TXLNB: variants seen among roughly 807,000 people sequenced by gnomAD.
TXLNB encodes the protein beta-taxilin.
Under a neutral mutation model 57.4 loss-of-function variants are expected in TXLNB, and 37 were observed. The observed-to-expected ratio is 0.64, with a 90% CI of 0.50 to 0.85. TXLNB has a LOEUF of 0.85. Among genes scored for constraint, TXLNB ranks in the 40% least tolerant of loss-of-function variants. The pLI, the probability that TXLNB is intolerant of heterozygous loss-of-function variation, is 0.00. For synonymous variants in TXLNB, 302 were observed against 309.6 expected, an observed-to-expected ratio of 0.98 and a Z score of 0.26; for missense variants, 848 against 825.6, an observed-to-expected ratio of 1.03 and a Z score of -0.33.
the TXLNB span, among the ~76,000 whole-genome samples, chr6:139,220,795 C>T: frequency 6.6e-6 from 1 of 152,172 alleles, no homozygotes; most frequent in South Asian, 2.1e-4. Flanking sequence ...GCTAAAATAA[C>T]AAACCTGGTC....
At chr6:139,222,033 A>C in the TXLNB span, among the ~76,000 whole-genome samples, 1 of 152,172 alleles carries the variant, frequency 6.6e-6, no homozygotes, top group African/African-American at 2.4e-5. Context: ...AGTCCAAAAA[A>C]ATTTAAAAAG....
chr6:139,183,657 A>C, the TXLNB span: 1 of 152,334 alleles, frequency 6.6e-6, no homozygotes. Context: ...ATGTTGACTA[A>C]AGAAAAAAAT....
At chr6:139,163,353 T>C in the TXLNB span, among the ~76,000 whole-genome samples, 13 of 13,814 alleles carry the variant, frequency 9.4e-4, no homozygotes, top group East Asian at 4.3e-3. Flanking sequence ...TTCTCCATTC[T>C]TTTTTTTTTT....
At chr6:139,252,625 T>C (rs907356279) in intron 7 of TXLNB, among the ~76,000 whole-genome samples, 1 of 152,214 alleles carries the variant, frequency 6.6e-6, no homozygotes, top group Non-Finnish European at 1.5e-5. Flanking sequence ...AAGTTCTCTA[T>C]GCTCATGAAC....
At chr6:139,172,558 CAT>C in the TXLNB span, among the ~76,000 whole-genome samples, 1 of 152,196 alleles carries the variant, frequency 6.6e-6, no homozygotes, top group African/African-American at 2.4e-5. Flanking sequence ...CTTTGAACCA[CAT>C]GTGATTGTTC....
chr6:139,196,810 G>A, the TXLNB span, among the ~76,000 whole-genome samples: 2 of 151,988 alleles, frequency 1.3e-5, no homozygotes, highest in African/African-American at 4.8e-5. Context: ...CACTCATTGA[G>A]TTCTATACTA....
chr6:139,181,513 G>A, the TXLNB span, among the ~76,000 whole-genome samples: 28 of 152,254 alleles, frequency 1.8e-4, no homozygotes, highest in African/African-American at 6.0e-4. Flanking sequence ...CCGGTATTGC[G>A]GTGCTTGTAT....
At chr6:139,221,246 T>C in the TXLNB span, among the ~76,000 whole-genome samples, 7 of 152,318 alleles carry the variant, frequency 4.6e-5, no homozygotes, top group Middle Eastern at 6.8e-3. Context: ...TAGAGCTAGT[T>C]AATGGTTTAG....
chr6:139,173,755 T>C, the TXLNB span, among the ~76,000 whole-genome samples: 2 of 152,198 alleles, frequency 1.3e-5, no homozygotes, highest in Non-Finnish European at 2.9e-5. Flanking sequence ...TGGAGGGGGA[T>C]CATGTTGTAA....
chr6:139,234,205 T>A, the TXLNB span: 1 of 152,130 alleles, frequency 6.6e-6, no homozygotes, highest in Non-Finnish European at 1.5e-5. Context: ...TGCAGCCAGA[T>A]GTTGTGAAAG....
In TXLNB at chr6:139,279,849, G is replaced by A. The variant is rs17068483; in HGVS notation, c.425-2928C>T. On this transcript the variant is annotated intron_variant, in intron 2 of 9. Coordinates refer to ENST00000358430, the MANE Select transcript of TXLNB (RefSeq NM_153235.4). Reference sequence around the variant, plus strand: ...TGTGGGCATGTAGCCACCACACTGCGAAATGCTCAGCGTGGTAGGAAGTCT... The same window carrying A: ...TGTGGGCATGTAGCCACCACACTGCAAAATGCTCAGCGTGGTAGGAAGTCT... 2.7e-3 allele frequency among the ~76,000 whole-genome samples: 409 copies of A among 152,282 alleles called. 7 individuals are homozygous for A. In the East Asian group the frequency reaches 0.032, roughly 12 times the overall value.
the TXLNB span, among the ~76,000 whole-genome samples, chr6:139,161,488 T>G: frequency 5.9e-5 from 9 of 152,152 alleles, no homozygotes; most frequent in Non-Finnish European, 8.8e-5. Flanking sequence ...ACAGCTGTGG[T>G]ACCTTGTCTG....
chr6:139,306,748 G>A, the TXLNB span, among the ~76,000 whole-genome samples: 1 of 152,186 alleles, frequency 6.6e-6, no homozygotes, highest in African/African-American at 2.4e-5. Context: ...CATGTGGGAT[G>A]TAGCCTGACC....
chr6:139,197,500 TC>T, the TXLNB span, among the ~76,000 whole-genome samples: 14 of 152,176 alleles, frequency 9.2e-5, no homozygotes, highest in Non-Finnish European at 1.8e-4. Flanking sequence ...TACATTACAA[TC>T]AGTTACAGAA....
chr6:139,182,484 T>C, the TXLNB span, among the ~76,000 whole-genome samples: 2 of 152,250 alleles, frequency 1.3e-5, no homozygotes, highest in African/African-American at 4.8e-5. Context: ...TCCATTACTT[T>C]AGATCTTGCT....
chr6:139,223,918 C>T, the TXLNB span, among the ~76,000 whole-genome samples: 568 of 150,460 alleles, frequency 3.8e-3, 2 homozygotes, highest in African/African-American at 0.012. Context: ...ACTAGAAATA[C>T]CATTTGACCC....
chr6:139,277,340 A>G (rs1776924847), intron 2 of TXLNB, among the ~76,000 whole-genome samples: 1 of 152,220 alleles, frequency 6.6e-6, no homozygotes, highest in African/African-American at 2.4e-5. Flanking sequence ...ATTTCCGACT[A>G]GTATGAAACA....
At chr6:139,184,065 G>A in the TXLNB span, among the ~76,000 whole-genome samples, 1 of 152,146 alleles carries the variant, frequency 6.6e-6, no homozygotes, top group Admixed American at 6.5e-5. Flanking sequence ...TCAGCGCTTC[G>A]TGAAATTATG....
rs1201281569 is a variant in TXLNB at position 139,285,243 on chromosome 6, A to G, written c.424+3233T>C. Reference sequence around the variant, plus strand: ...TTTTAACTTTATCCCTATTTTCTTCATATCTTTCCCCTCAACACACACACA... The same window carrying G: ...TTTTAACTTTATCCCTATTTTCTTCGTATCTTTCCCCTCAACACACACACA... On this transcript the variant is annotated intron_variant, in intron 2 of 9. Coordinates refer to ENST00000358430, the MANE Select transcript of TXLNB (RefSeq NM_153235.4). 4.0e-5 allele frequency among the ~76,000 whole-genome samples: 5 copies of G among 123,658 alleles called. 2 individuals carry two copies. Among genetic ancestry groups the G allele is most frequent in the Non-Finnish European group, 8.7e-5 (5 of 57,336 alleles). 81.1% of individuals were successfully genotyped at this position (123,658 alleles called of 152,430 possible).
Sources: gnomAD v4.1 joint callset for allele counts (sites outside exome capture counted in the v4.1 genomes callset) on GRCh38, gnomAD v4.1.1 for gene constraint, MANE v1.5 for transcripts, NCBI Gene and HGNC (gene_info 2026-07-23, HGNC 2026-07-21) for gene names.